Variants in GRM7 observed in about 807,000 individuals in gnomAD.
GRM7 encodes metabotropic glutamate receptor 7.
GRM7 carries 35 observed loss-of-function variants against 84.5 expected under a neutral mutation model. The ratio of observed to expected loss-of-function variants is 0.41; its 90% CI spans 0.32 to 0.55. GRM7 has a LOEUF of 0.55. GRM7 is among the 20% of genes least tolerant of loss of function. The probability of loss-of-function intolerance (pLI) is 0.19; values close to 1 mark genes in which losing one functional copy is unlikely to be tolerated. For missense variants in GRM7, 1,003 were observed against 1,194.6 expected, an observed-to-expected ratio of 0.84 and a Z score of 2.36; for synonymous variants, 487 against 455.1, an observed-to-expected ratio of 1.07 and a Z score of -0.89.
At chr3:7,290,044 G>T (rs974991333) in intron 2 of GRM7, among the ~76,000 whole-genome samples, 1 of 151,848 alleles carries the variant, frequency 6.6e-6, no homozygotes, top group Non-Finnish European at 1.5e-5. Context: ...AAAAAGAAAA[G>T]TTATCTTATT....
intron 1 of GRM7, among the ~76,000 whole-genome samples, chr3:6,931,509 C>T (rs1040938935): frequency 1.3e-5 from 2 of 152,082 alleles, no homozygotes; most frequent in African/African-American, 2.4e-5. Context: ...TAATTCCTGC[C>T]CATCCTCCTG....
intron 2 of GRM7, among the ~76,000 whole-genome samples, chr3:7,197,151 G>T (rs1446073253): frequency 6.6e-6 from 1 of 152,078 alleles, no homozygotes; most frequent in Non-Finnish European, 1.5e-5. Flanking sequence ...CAAATGCTCT[G>T]GTGACATTGA....
chr3:7,383,647 A>G (rs1306634676), intron 4 of GRM7, among the ~76,000 whole-genome samples: 1 of 152,212 alleles, frequency 6.6e-6, no homozygotes, highest in African/African-American at 2.4e-5. Context: ...GAAATGTCAT[A>G]GATTCCACCC....
At chr3:7,243,998 G>A (rs2007029) in intron 2 of GRM7, among the ~76,000 whole-genome samples, 116,150 of 152,038 alleles carry the variant, frequency 0.76, 45,972 homozygotes, top group East Asian at 0.98. Flanking sequence ...CATAAATGGA[G>A]TTTCAGGATT....
At chr3:7,469,448 GC>G (rs1220492996) in intron 7 of GRM7, among the ~76,000 whole-genome samples, 1 of 152,200 alleles carries the variant, frequency 6.6e-6, no homozygotes, top group Non-Finnish European at 1.5e-5. Flanking sequence ...CCTACCAGTG[GC>G]TATTTGAGAG....
chr3:7,288,473 A>G (rs369676844), intron 2 of GRM7, among the ~76,000 whole-genome samples: 33 of 152,016 alleles, frequency 2.2e-4, no homozygotes, highest in African/African-American at 7.5e-4. Context: ...ATGTTTCTCA[A>G]TTTTTGCCCT....
At chr3:6,870,978 TA>T (rs1183857621) in intron 1 of GRM7, among the ~76,000 whole-genome samples, 79 of 152,300 alleles carry the variant, frequency 5.2e-4, no homozygotes, top group African/African-American at 1.9e-3. Flanking sequence ...ACATTAAGAA[TA>T]ATTATCCGAA....
chr3:7,204,952 A>G (rs1696186231), intron 2 of GRM7, among the ~76,000 whole-genome samples: 1 of 152,242 alleles, frequency 6.6e-6, no homozygotes. Flanking sequence ...GCTTGGCTCC[A>G]GATATGTAAA....
chr3:7,720,005 G>A (rs1238678421), intron 9 of GRM7, among the ~76,000 whole-genome samples: 2 of 152,160 alleles, frequency 1.3e-5, no homozygotes, highest in South Asian at 2.1e-4. Flanking sequence ...TGGTGGTGAT[G>A]ATGGTCATAA....
intron 9 of GRM7, among the ~76,000 whole-genome samples, chr3:7,698,943 A>G (rs162770): frequency 1 from 151,630 of 152,308 alleles, 75,481 homozygotes; most frequent in East Asian, 1. Flanking sequence ...TTTTACAACC[A>G]AGGAGTAGCA....
chr3:7,703,942 T>G (rs1172188433), intron 9 of GRM7, among the ~76,000 whole-genome samples: 1 of 152,226 alleles, frequency 6.6e-6, no homozygotes, highest in East Asian at 1.9e-4. Flanking sequence ...GTCTCCAAAA[T>G]AAGAAGCCCT....
intron 1 of GRM7, among the ~76,000 whole-genome samples, chr3:7,100,092 C>T (rs1216764071): frequency 6.6e-6 from 1 of 151,108 alleles, no homozygotes; most frequent in Non-Finnish European, 1.5e-5. Flanking sequence ...AGATCGTAGG[C>T]ACTGACTCAC....
At chr3:7,666,166 C>T (rs991763625) in intron 8 of GRM7, among the ~76,000 whole-genome samples, 1 of 152,108 alleles carries the variant, frequency 6.6e-6, no homozygotes, top group Non-Finnish European at 1.5e-5. Context: ...GTGTGTCTGT[C>T]GTCATTCGAG....
chr3:7,189,940 T>C (rs1575011201), intron 2 of GRM7, among the ~76,000 whole-genome samples: 1 of 152,024 alleles, frequency 6.6e-6, no homozygotes, highest in Non-Finnish European at 1.5e-5. Flanking sequence ...CCTACACACA[T>C]ATATATAAAA....
chr3:6,928,201 C>T lies in GRM7; in HGVS notation c.519+66294C>T, dbSNP rs1489451983. Among the ~76,000 whole-genome samples, 1 of 151,704 alleles carries T rather than the reference C, an allele frequency of 6.6e-6. No individual in the cohort carries two copies. The highest frequency in any genetic ancestry group is 1.9e-4 in the East Asian group (1 of 5,168). ...TTGGTTTGCATTAACTGGGCATTTT[C>T]CCAAAATGTCCCTTGGAATTCCCCC... On this transcript the variant is annotated intron_variant, in intron 1 of 9. Transcript: ENST00000357716. The surrounding 1 kb of genome is among the most constrained non-coding windows in gnomAD (Gnocchi z 4.5).
chr3:7,236,361 T>C (rs1410970776), intron 2 of GRM7, among the ~76,000 whole-genome samples: 1 of 152,224 alleles, frequency 6.6e-6, no homozygotes, highest in Non-Finnish European at 1.5e-5. Flanking sequence ...CCGAAAAAGA[T>C]GTTACTATTT....
chr3:7,663,921 A>G (rs976008807), intron 8 of GRM7, among the ~76,000 whole-genome samples: 2 of 152,204 alleles, frequency 1.3e-5, no homozygotes, highest in African/African-American at 4.8e-5. Flanking sequence ...CACCAGAGAC[A>G]TGTCTGTTAA....
At chr3:7,291,524 C>A (rs2125011237) in intron 2 of GRM7, among the ~76,000 whole-genome samples, 1 of 139,930 alleles carries the variant, frequency 7.1e-6, no homozygotes, top group African/African-American at 2.8e-5. Flanking sequence ...CTCTCTCTCT[C>A]TCTCTCTCTC....
intron 7 of GRM7, among the ~76,000 whole-genome samples, chr3:7,468,851 C>A (rs569181023): frequency 6.6e-6 from 1 of 152,276 alleles, no homozygotes; most frequent in East Asian, 1.9e-4. Flanking sequence ...TACCCCTTCA[C>A]GACTGTGAAT....
Sources: gnomAD v4.1 joint callset for allele counts (sites outside exome capture counted in the v4.1 genomes callset) on GRCh38, gnomAD v4.1.1 for gene constraint, Gnocchi (gnomAD v3.1) non-coding constraint, MANE v1.5 for transcripts, NCBI Gene and HGNC (gene_info 2026-07-23, HGNC 2026-07-21) for gene names.